The following CEP57 variants were observed in gnomAD, a reference collection of about 807,000 sequenced individuals.
CEP57 encodes the protein centrosomal protein 57, also known as centrosomal protein of 57 kDa.
A neutral mutation model predicts 68.0 loss-of-function variants in CEP57; 40 were observed. The ratio of observed to expected loss-of-function variants is 0.59; its 90% CI spans 0.46 to 0.77. The LOEUF (loss-of-function observed/expected upper bound fraction) is 0.77. Ranked by LOEUF, CEP57 falls within the 30% of genes least tolerant of loss-of-function variation. CEP57 has a pLI of 0.00. For synonymous variants in CEP57, 219 were observed against 198.7 expected (o/e 1.10, Z -0.86); for missense variants, 606 against 580.7 (o/e 1.04, Z -0.45).
At chr11:95,804,656 G>A (rs1254878931) in intron 2 of CEP57, among the ~76,000 whole-genome samples, 2 of 152,082 alleles carry the variant, frequency 1.3e-5, no homozygotes, top group African/African-American at 4.8e-5. Context: ...TGCTTACTGA[G>A]GTGCATACGT....
intron 8 of CEP57, among the ~76,000 whole-genome samples, chr11:95,824,179 G>A (rs1217392831): frequency 2.0e-5 from 3 of 151,552 alleles, no homozygotes; most frequent in South Asian, 2.1e-4. Flanking sequence ...CCAGGAGTTC[G>A]AGACTGTAGT....
chr11:95,801,554 A>G lies in CEP57; in HGVS notation c.202+2166A>G, dbSNP rs553479422. The stretch of plus-strand genomic sequence containing the variant: ...GCACAAAACAAAATATCCATTTACA[A>G]AGTTCTAACAGGAACACAAAATCTA... On this transcript the variant is annotated intron_variant, in intron 2 of 10. Transcript: ENST00000325542. Among the ~76,000 whole-genome samples the G allele has an allele frequency of 1.4e-4, 22 of 152,278 alleles. No homozygotes were observed. In the South Asian group the frequency reaches 4.1e-3, roughly 29 times the overall value.
intron 8 of CEP57, among the ~76,000 whole-genome samples, chr11:95,823,838 C>A (rs191710988): frequency 1.8e-4 from 28 of 152,182 alleles, no homozygotes; most frequent in African/African-American, 6.7e-4. Context: ...AAAAAGTGTT[C>A]TCTAGCAGTT....
Position 95,805,209 on chromosome 11 carries a change from G to A in CEP57, c.202+5821G>A, listed in dbSNP as rs1056829170. Among the ~76,000 whole-genome samples the A allele has an allele frequency of 2.6e-5, 4 of 152,308 alleles. No individual in the cohort carries two copies. In the East Asian group the frequency reaches 7.7e-4, roughly 29 times the overall value. Reference sequence around the variant, plus strand: ...TGAATTTGCCTCTGATTCAGAAGAGGTTAAGAAAACTCAATGGATATTAAA... The same window carrying A: ...TGAATTTGCCTCTGATTCAGAAGAGATTAAGAAAACTCAATGGATATTAAA... On this transcript the variant is annotated intron_variant, in intron 2 of 10. Transcript: ENST00000325542.
intron 8 of CEP57, among the ~76,000 whole-genome samples, chr11:95,824,195 A>G (rs770031790): frequency 1.6e-4 from 25 of 151,970 alleles, no homozygotes; most frequent in Admixed American, 3.9e-4. Context: ...GTAGTAAGCG[A>G]TGATGGCACC....
chr11:95,811,557 T>A (rs1358870948), intron 2 of CEP57, among the ~76,000 whole-genome samples: 5 of 150,704 alleles, frequency 3.3e-5, no homozygotes, highest in African/African-American at 4.9e-5. Flanking sequence ...TGAGCACATG[T>A]ACCCTAGAGC....
chr11:95,818,103 ATGTT>A (rs1862376719), intron 5 of CEP57, 200 bp downstream of exon 5: 3 of 543,822 alleles, frequency 5.5e-6, no homozygotes, highest in Non-Finnish European at 3.3e-6. Context: ...TTTTATGAAA[ATGTT>A]TGTTAAAAAA....
chr11:95,809,774 A>G (rs1017993384), intron 2 of CEP57, among the ~76,000 whole-genome samples: 3 of 152,198 alleles, frequency 2.0e-5, no homozygotes, highest in African/African-American at 4.8e-5. Context: ...CAGAGGCACA[A>G]AGAGGAGCTG....
chr11:95,823,674 CTG>C (rs1313783178), intron 8 of CEP57, among the ~76,000 whole-genome samples: 2 of 152,262 alleles, frequency 1.3e-5, no homozygotes, highest in Middle Eastern at 3.4e-3. Context: ...ATAAAATTAA[CTG>C]TAGTACATAC....
At chr11:95,822,402 G>A in intron 7 of CEP57, 97 bp from the exon 8 acceptor site, 1 of 861,364 alleles carries the variant, frequency 1.2e-6, no homozygotes, top group Admixed American at 2.0e-5. Context: ...GCAAGTAGTA[G>A]CCTAGTAGTT....
At position 95,790,708 on chromosome 11, in the gene CEP57, G is replaced by T. The variant is rs761028350; in HGVS notation, c.10G>T (p.Ala4Ser). The T allele has an allele frequency of 6.2e-7, 1 of 1,613,962 alleles. No individual in the cohort carries two copies. The highest frequency in any genetic ancestry group is 1.3e-5 in the African/African-American group (1 of 74,958). ...CTGGGCAGGCTGAAAGATGGCGGCG[G>T]CGTCTGTCTCTGCGGCTTCTGGTTC... The part of the protein sequence containing the change: MAA[A>S]SVSAASGSHL... The change falls in exon 1 of 11, where the codon GCG becomes TCG. Residue 4 changes from alanine (A) to serine (S), a missense_variant. By Grantham distance (99) the Ala-to-Ser change is moderately conservative. Transcript: ENST00000325542.
At chr11:95,806,242 G>T (rs977392245) in intron 2 of CEP57, among the ~76,000 whole-genome samples, 1 of 152,162 alleles carries the variant, frequency 6.6e-6, no homozygotes, top group African/African-American at 2.4e-5. Flanking sequence ...AGGAAATAAA[G>T]AACAACTTGG....
chr11:95,820,547 C>A, intron 6 of CEP57, among the ~76,000 whole-genome samples: 1 of 141,890 alleles, frequency 7.0e-6, no homozygotes. Context: ...GTTGAGATCA[C>A]ACCACCTGCA....
At chr11:95,829,478 T>A in intron 10 of CEP57, 147 bp downstream of exon 10, 1 of 867,996 alleles carries the variant, frequency 1.2e-6, no homozygotes, top group Non-Finnish European at 1.8e-6. Flanking sequence ...TCATTGAGAA[T>A]TGGTAAGTGG....
intron 8 of CEP57, among the ~76,000 whole-genome samples, chr11:95,824,351 G>GA (rs891360285): frequency 1.6e-4 from 24 of 152,052 alleles, no homozygotes; most frequent in African/African-American, 5.8e-4. Flanking sequence ...TTATCTCATT[G>GA]AAAATGCAGC....
rs1453457813 is a variant in CEP57 at position 95,827,909 on chromosome 11, T to C, written c.1009T>C (p.Ser337Pro). Residue 337 changes from serine (S) to proline (P), a missense_variant, in exon 9 of 11, where the codon TCT (serine) becomes CCT (proline). Transcript: ENST00000325542. ...CAGTATTCCTTTGGCAAAGCAAGTA[T>C]CTTCACGAGGTGGTAAAAGTAAGAA... ...INSIPLAKQV[S>P]SRGGKSKKLS... 6.2e-7 allele frequency: 1 copy of C among 1,614,044 alleles called. No homozygotes were observed. Among genetic ancestry groups the C allele is most frequent in the Non-Finnish European group, 8.5e-7 (1 of 1,180,038 alleles).
chr11:95,828,699 A>G (rs1862863250), intron 9 of CEP57, among the ~76,000 whole-genome samples: 1 of 152,192 alleles, frequency 6.6e-6, no homozygotes, highest in Admixed American at 6.5e-5. Context: ...ATTAACCTTG[A>G]AATTAAGAAC....
chr11:95,812,835 T>C, intron 2 of CEP57, 97 bp from the exon 3 acceptor site: 1 of 1,055,634 alleles, frequency 9.5e-7, no homozygotes, highest in South Asian at 1.3e-5. Context: ...GACTCATCCA[T>C]CAATTTTATT....
intron 2 of CEP57, among the ~76,000 whole-genome samples, chr11:95,811,426 G>A (rs180804081): frequency 1.4e-3 from 191 of 135,538 alleles, no homozygotes; most frequent in African/African-American, 5.1e-3. Flanking sequence ...ACCGGGGCCT[G>A]TCGTGGGTTG....
Sources: allele counts gnomAD v4.1 joint callset (sites outside exome capture counted in the v4.1 genomes callset), GRCh38; gene constraint gnomAD v4.1.1; transcripts MANE v1.5; gene names NCBI Gene and HGNC (gene_info 2026-07-23, HGNC 2026-07-21).